FHIT: variants seen among roughly 807,000 people sequenced by gnomAD.
FHIT encodes fragile histidine triad diadenosine triphosphatase, also known as bis(5'-adenosyl)-triphosphatase.
A neutral mutation model predicts 17.9 loss-of-function variants in FHIT; 19 were observed. That is an observed-to-expected ratio of 1.06 (90% CI 0.74 to 1.56). The LOEUF is 1.56. FHIT is among the 40% of genes most tolerant of loss of function. The pLI is 0.00. For synonymous variants in FHIT, 81 were observed against 69.7 expected (o/e 1.16, Z -0.81); for missense variants, 248 against 189.2 (o/e 1.31, Z -1.82).
chr3:60,179,160 T>A (rs1397722252), intron 5 of FHIT, among the ~76,000 whole-genome samples: 1 of 152,158 alleles, frequency 6.6e-6, no homozygotes, highest in Non-Finnish European at 1.5e-5. Flanking sequence ...CGCATTCCAT[T>A]AGGCGCATTT....
chr3:59,762,174 G>T (rs1261836646), intron 8 of FHIT, among the ~76,000 whole-genome samples: 1 of 152,162 alleles, frequency 6.6e-6, no homozygotes, highest in African/African-American at 2.4e-5. Flanking sequence ...TCCGCATCCT[G>T]GCCAGGACAG....
intron 2 of FHIT, among the ~76,000 whole-genome samples, chr3:61,053,994 G>C (rs1198322530): frequency 6.6e-6 from 1 of 152,188 alleles, no homozygotes; most frequent in Non-Finnish European, 1.5e-5. Flanking sequence ...AGCAGCTGAT[G>C]ACAGGGTCAT....
intron 2 of FHIT, among the ~76,000 whole-genome samples, chr3:61,073,698 T>C (rs1369288085): frequency 6.6e-6 from 1 of 152,170 alleles, no homozygotes; most frequent in Non-Finnish European, 1.5e-5. Context: ...TCCCAGAATG[T>C]TGCACTCAGT....
intron 1 of FHIT, among the ~76,000 whole-genome samples, chr3:61,226,198 G>T (rs1329943754): frequency 2.0e-5 from 3 of 152,150 alleles, no homozygotes; most frequent in Admixed American, 2.0e-4. Context: ...CAGGCGCTGA[G>T]GGGTGGTAAT....
intron 4 of FHIT, among the ~76,000 whole-genome samples, chr3:60,780,798 C>T (rs2108094632): frequency 6.6e-6 from 1 of 152,290 alleles, no homozygotes; most frequent in East Asian, 1.9e-4. Flanking sequence ...TCCAGTCAGC[C>T]TGTGCACTAG....
chr3:61,009,732 G>A (rs1447242473), intron 3 of FHIT, among the ~76,000 whole-genome samples: 1 of 151,648 alleles, frequency 6.6e-6, no homozygotes, highest in African/African-American at 2.4e-5. Context: ...TTCCTTTTTG[G>A]TATTATTAAG....
chr3:61,014,940 G>T (rs1182016476), intron 3 of FHIT, among the ~76,000 whole-genome samples: 1 of 149,276 alleles, frequency 6.7e-6, no homozygotes, highest in Non-Finnish European at 1.5e-5. Flanking sequence ...CCATATATAT[G>T]ACATTTTAAA....
chr3:59,981,609 C>T (rs1221202713), intron 7 of FHIT, among the ~76,000 whole-genome samples: 1 of 152,134 alleles, frequency 6.6e-6, no homozygotes, highest in African/African-American at 2.4e-5. Context: ...GCCCACATTT[C>T]CTCAGCCTCA....
chr3:60,204,182 C>A (rs1703048719), intron 5 of FHIT, among the ~76,000 whole-genome samples: 2 of 152,114 alleles, frequency 1.3e-5, no homozygotes, highest in African/African-American at 2.4e-5. Flanking sequence ...CAAAATAGCT[C>A]ATGTACTCCA....
intron 2 of FHIT, among the ~76,000 whole-genome samples, chr3:61,169,547 G>T (rs1374172978): frequency 6.6e-6 from 1 of 152,118 alleles, no homozygotes; most frequent in Non-Finnish European, 1.5e-5. Context: ...AATTTTGAGT[G>T]ATTTCACCTT....
chr3:60,059,013 C>T (rs866010719), intron 5 of FHIT, among the ~76,000 whole-genome samples: 6 of 152,030 alleles, frequency 3.9e-5, no homozygotes, highest in Admixed American at 6.6e-5. Context: ...GCAACTAAAA[C>T]GAAGAAAATG....
At chr3:61,214,087 A>C (rs1393502182) in intron 1 of FHIT, among the ~76,000 whole-genome samples, 1 of 152,212 alleles carries the variant, frequency 6.6e-6, no homozygotes, top group African/African-American at 2.4e-5. Flanking sequence ...TAACATCACA[A>C]TTACAAGAAC....
intron 8 of FHIT, among the ~76,000 whole-genome samples, chr3:59,768,838 A>G (rs987583449): frequency 6.6e-6 from 1 of 152,258 alleles, no homozygotes; most frequent in Non-Finnish European, 1.5e-5. Flanking sequence ...AGGAACAGAT[A>G]CACATTGTAA....
intron 7 of FHIT, among the ~76,000 whole-genome samples, chr3:59,956,702 T>C (rs1178604237): frequency 1.3e-5 from 2 of 152,158 alleles, no homozygotes; most frequent in Non-Finnish European, 2.9e-5. Context: ...AGTAAAACTA[T>C]GTACCTTACT....
chr3:60,855,987 G>A (rs948920398), intron 3 of FHIT, among the ~76,000 whole-genome samples: 12 of 152,108 alleles, frequency 7.9e-5, no homozygotes, highest in Admixed American at 6.6e-4. Flanking sequence ...TTGGGGAGAA[G>A]ATGCATCACC....
At chr3:59,825,552 A>G (rs891086525) in intron 8 of FHIT, among the ~76,000 whole-genome samples, 12 of 152,242 alleles carry the variant, frequency 7.9e-5, no homozygotes, top group African/African-American at 1.9e-4. Flanking sequence ...GATTTCTCCA[A>G]TATCAATTTG....
chr3:60,526,891 T>C (rs948723820), intron 5 of FHIT, among the ~76,000 whole-genome samples: 3 of 151,740 alleles, frequency 2.0e-5, no homozygotes, highest in African/African-American at 7.3e-5. Context: ...TGGGAGTAAT[T>C]ATTCCAGAAG....
intron 5 of FHIT, among the ~76,000 whole-genome samples, chr3:60,076,029 G>C (rs543506702): frequency 9.2e-5 from 14 of 152,172 alleles, no homozygotes; most frequent in African/African-American, 3.1e-4. Flanking sequence ...TGAAACAAAA[G>C]TTCCAGGTAA....
chr3:60,009,203 G>GCGCGCA, intron 7 of FHIT, among the ~76,000 whole-genome samples: 1 of 148,932 alleles, frequency 6.7e-6, no homozygotes, highest in African/African-American at 2.5e-5. Context: ...GTGTGTGTGT[G>GCGCGCA]TGTGTGTGTG....
Sources: allele counts gnomAD v4.1 joint callset (sites outside exome capture counted in the v4.1 genomes callset), GRCh38; gene constraint gnomAD v4.1.1; transcripts MANE v1.5; gene names NCBI Gene and HGNC (gene_info 2026-07-23, HGNC 2026-07-21).